NXPH1: variants seen among roughly 807,000 people sequenced by gnomAD.
NXPH1 encodes the protein neurexophilin-1.
Under a neutral mutation model 23.7 loss-of-function variants are expected in NXPH1, and 5 were observed. The ratio of observed to expected loss-of-function variants is 0.21; its 90% CI spans 0.11 to 0.44. The LOEUF is 0.44. Ranked by LOEUF, NXPH1 falls within the 20% of genes least tolerant of loss-of-function variation. NXPH1 has a pLI of 0.99. For synonymous variants in NXPH1, 144 were observed against 122.2 expected (o/e 1.18, Z -1.18); for missense variants, 324 against 321.6 (o/e 1.01, Z -0.06).
chr7:8,703,424 T>C (rs1779657864), intron 2 of NXPH1, among the ~76,000 whole-genome samples: 1 of 152,136 alleles, frequency 6.6e-6, no homozygotes, highest in Non-Finnish European at 1.5e-5. Flanking sequence ...GTTTTTGTTT[T>C]CCTGAAAAAA....
At chr7:8,588,134 T>A (rs1158215079) in intron 2 of NXPH1, among the ~76,000 whole-genome samples, 1 of 152,174 alleles carries the variant, frequency 6.6e-6, no homozygotes, top group African/African-American at 2.4e-5. Flanking sequence ...ATAGGAATGC[T>A]TTTACACTGT....
chr7:8,712,538 C>G (rs571947341), intron 2 of NXPH1, among the ~76,000 whole-genome samples: 1 of 152,280 alleles, frequency 6.6e-6, no homozygotes, highest in Non-Finnish European at 1.5e-5. Flanking sequence ...CTCCACTCCT[C>G]ATAAGATTTC....
chr7:8,615,433 G>A (rs1819714196), intron 2 of NXPH1, among the ~76,000 whole-genome samples: 2 of 151,924 alleles, frequency 1.3e-5, no homozygotes, highest in Non-Finnish European at 2.9e-5. Flanking sequence ...TGAGTACAGG[G>A]GACTTAGTAA....
At chr7:8,579,230 C>T (rs1256145771) in intron 2 of NXPH1, among the ~76,000 whole-genome samples, 2 of 152,054 alleles carry the variant, frequency 1.3e-5, no homozygotes, top group African/African-American at 2.4e-5. Flanking sequence ...CAACCAAATA[C>T]CTGCTTTAAA....
chr7:8,645,955 C>T lies in NXPH1; in HGVS notation c.55-105053C>T, dbSNP rs190114157. On this transcript the variant is annotated intron_variant, in intron 2 of 2. Coordinates refer to ENST00000405863, the MANE Select transcript of NXPH1 (RefSeq NM_152745.3). ...GTGTTAATTGTATTTTTATTATAGG[C>T]ACTAATGTCCATGAAGTATTTTTTT... is the stretch of plus-strand genomic sequence containing the variant. Among the ~76,000 whole-genome samples, 19 of 152,134 alleles carry T rather than the reference C, an allele frequency of 1.2e-4. No homozygotes were observed. The East Asian group carries it at 3.7e-3, about 29-fold the overall frequency.
chr7:8,692,971 A>T (rs2115184546), intron 2 of NXPH1, among the ~76,000 whole-genome samples: 1 of 152,296 alleles, frequency 6.6e-6, no homozygotes, highest in East Asian at 1.9e-4. Context: ...CAAGTAAGTG[A>T]AGTCTTCCTA....
chr7:8,515,915 C>T (rs1458175721), intron 2 of NXPH1, among the ~76,000 whole-genome samples: 1 of 152,094 alleles, frequency 6.6e-6, no homozygotes, highest in Non-Finnish European at 1.5e-5. Flanking sequence ...AACTCTAAAT[C>T]TTCCCTTCTT....
chr7:8,550,574 A>G (rs1177358434), intron 2 of NXPH1, among the ~76,000 whole-genome samples: 1 of 151,556 alleles, frequency 6.6e-6, no homozygotes, highest in Admixed American at 6.6e-5. Flanking sequence ...ATTACTTTAT[A>G]TCAGAAATAA....
intron 2 of NXPH1, among the ~76,000 whole-genome samples, chr7:8,710,187 A>G (rs749541494): frequency 6.6e-6 from 1 of 152,192 alleles, no homozygotes. Flanking sequence ...GCTCTTGATT[A>G]GAAGAGGAGG....
At chr7:8,522,932 A>T (rs1435289906) in intron 2 of NXPH1, among the ~76,000 whole-genome samples, 1 of 152,244 alleles carries the variant, frequency 6.6e-6, no homozygotes, top group Non-Finnish European at 1.5e-5. Flanking sequence ...TTGGCTATGG[A>T]GACAGATGAA....
intron 2 of NXPH1, among the ~76,000 whole-genome samples, chr7:8,482,799 G>T (rs1462923854): frequency 1.3e-5 from 2 of 152,318 alleles, no homozygotes; most frequent in African/African-American, 2.4e-5. Flanking sequence ...TGGCCCAAGA[G>T]ACTGATAAGC....
At chr7:8,694,326 A>G (rs1020138544) in intron 2 of NXPH1, among the ~76,000 whole-genome samples, 1 of 152,222 alleles carries the variant, frequency 6.6e-6, no homozygotes, top group Non-Finnish European at 1.5e-5. Context: ...GGATGCTTGT[A>G]AAAGCAACAT....
intron 2 of NXPH1, among the ~76,000 whole-genome samples, chr7:8,529,993 A>T (rs1285434961): frequency 6.6e-6 from 1 of 152,236 alleles, no homozygotes; most frequent in African/African-American, 2.4e-5. Flanking sequence ...ACTTTGAAGT[A>T]ATCACTAGTT....
intron 2 of NXPH1, among the ~76,000 whole-genome samples, chr7:8,496,268 G>A (rs1817335780): frequency 6.6e-6 from 1 of 152,014 alleles, no homozygotes; most frequent in Non-Finnish European, 1.5e-5. Context: ...AGGAGCTGGT[G>A]TGTGAAGGGT....
chr7:8,672,307 T>A (rs932325703), intron 2 of NXPH1, among the ~76,000 whole-genome samples: 1 of 152,052 alleles, frequency 6.6e-6, no homozygotes, highest in Non-Finnish European at 1.5e-5. Context: ...AAGGGGAACA[T>A]CACACTCTGG....
intron 2 of NXPH1, among the ~76,000 whole-genome samples, chr7:8,664,225 C>G (rs1820726558): frequency 6.6e-6 from 1 of 152,020 alleles, no homozygotes; most frequent in African/African-American, 2.4e-5. Flanking sequence ...ATTTTTAATT[C>G]TCTTTGCCTA....
intron 2 of NXPH1, among the ~76,000 whole-genome samples, chr7:8,718,586 T>C (rs1426824816): frequency 1.3e-5 from 2 of 152,204 alleles, no homozygotes; most frequent in African/African-American, 4.8e-5. Flanking sequence ...TAGTTAAAAA[T>C]CTTTCTCAAA....
At position 8,752,770 on chromosome 7, in the gene NXPH1, G is replaced by A. The variant is rs193172908; in HGVS notation, c.*1001G>A. 1 of 152,440 alleles carries A rather than the reference G, an allele frequency of 6.6e-6. No homozygotes were observed. The highest frequency in any genetic ancestry group is 1.9e-4 in the East Asian group (1 of 5,148). 9.4% of individuals were successfully genotyped at this position (152,440 alleles called of 1,614,324 possible). A position where few individuals can be genotyped will look rare whatever the true frequency, so the allele number is the denominator to read the frequency against. On this transcript the variant is annotated 3_prime_UTR_variant, in exon 3 of 3. Coordinates refer to ENST00000405863, the MANE Select transcript of NXPH1 (RefSeq NM_152745.3). ...GTTATTGGTTAAGAAAAAAGGATAT[G>A]AGGAATTCATTTTATCAATGTAGCT... is the stretch of plus-strand genomic sequence containing the variant.
chr7:8,746,091 C>G (rs1330608948), intron 2 of NXPH1, among the ~76,000 whole-genome samples: 6 of 152,198 alleles, frequency 3.9e-5, no homozygotes, highest in South Asian at 2.1e-4. Context: ...GAGCCAGGAC[C>G]ATGTGCCATT....
Sources: allele counts gnomAD v4.1 joint callset (sites outside exome capture counted in the v4.1 genomes callset), GRCh38; gene constraint gnomAD v4.1.1; transcripts MANE v1.5; gene names NCBI Gene and HGNC (gene_info 2026-07-23, HGNC 2026-07-21).